The following PDS5B variants were observed in gnomAD, a reference collection of about 807,000 sequenced individuals.
PDS5B encodes the protein sister chromatid cohesion protein PDS5 homolog B.
Under a neutral mutation model 184.1 loss-of-function variants are expected in PDS5B, and 51 were observed. That is an observed-to-expected ratio of 0.28 (90% CI 0.22 to 0.35). The LOEUF (loss-of-function observed/expected upper bound fraction) is 0.35, where lower values mean the gene tolerates loss of function less well. Among genes scored for constraint, PDS5B ranks in the 10% least tolerant of loss-of-function variants. The pLI is 1.00. For synonymous variants in PDS5B, 566 were observed against 569.2 expected (o/e 0.99, Z 0.08); for missense variants, 1,180 against 1,723.3 (o/e 0.68, Z 5.58).
chr13:32,697,478 A>G (rs1027648222), intron 15 of PDS5B, among the ~76,000 whole-genome samples: 11 of 152,212 alleles, frequency 7.2e-5, no homozygotes, highest in Non-Finnish European at 5.9e-5. Context: ...GATAATGAAG[A>G]GATCTTAAGA....
chr13:32,616,530 G>A lies in PDS5B; in HGVS notation c.-20+29937G>A, dbSNP rs115933782. Among the ~76,000 whole-genome samples, 1,145 of 152,276 alleles carry A rather than the reference G, an allele frequency of 7.5e-3. 16 individuals carry two copies. The highest frequency in any genetic ancestry group is 0.027 in the African/African-American group (1,101 of 41,544). On this transcript the variant is annotated intron_variant, in intron 1 of 34. Coordinates refer to ENST00000315596, the MANE Select transcript of PDS5B (RefSeq NM_015032.4). ...ATATAACTTTTCTATTGAAGGACAT[G>A]TAGGTATTTTCAGTATTTTGCTATT...
At chr13:32,665,764 C>T (rs1289169949) in intron 6 of PDS5B, among the ~76,000 whole-genome samples, 1 of 151,938 alleles carries the variant, frequency 6.6e-6, no homozygotes, top group East Asian at 1.9e-4. Flanking sequence ...TGAACTGTGT[C>T]TATCAATGGA....
At chr13:32,635,208 T>C in intron 1 of PDS5B, among the ~76,000 whole-genome samples, 1 of 76,358 alleles carries the variant, frequency 1.3e-5, no homozygotes. Context: ...TTTTTTTTTT[T>C]TTTTTTTGTG....
chr13:32,647,575 C>G (rs1950259125), intron 1 of PDS5B, among the ~76,000 whole-genome samples: 1 of 152,158 alleles, frequency 6.6e-6, no homozygotes, highest in Non-Finnish European at 1.5e-5. Flanking sequence ...GCAATCCCAC[C>G]TGGCCTTTAA....
intron 26 of PDS5B, among the ~76,000 whole-genome samples, chr13:32,756,515 G>A (rs1268988448): frequency 2.6e-5 from 4 of 152,262 alleles, no homozygotes; most frequent in South Asian, 2.1e-4. Context: ...GTACATGCCT[G>A]GGTGGGGAAT....
chr13:32,775,737 C>T lies in PDS5B; in HGVS notation c.*685C>T. On this transcript the variant is annotated 3_prime_UTR_variant, in exon 35 of 35. Transcript: ENST00000315596. ...TTTACACCTCAGTATTGATTTGTCC[C>T]AGAATTTTCTGGCCTTTCATGGCAA... 2 of 423,814 alleles carry T rather than the reference C, an allele frequency of 4.7e-6. No individual in the cohort carries two copies. The highest frequency in any genetic ancestry group is 3.5e-5 in the South Asian group (2 of 57,380). 26.3% of individuals were successfully genotyped at this position (423,814 alleles called of 1,614,324 possible).
chr13:32,741,489 T>G (rs1953550187), intron 22 of PDS5B, among the ~76,000 whole-genome samples: 1 of 150,318 alleles, frequency 6.7e-6, no homozygotes, highest in South Asian at 2.1e-4. Context: ...TTAATAAAAC[T>G]TTTTATTTTT....
chr13:32,614,515 C>G (rs1056774486), intron 1 of PDS5B, among the ~76,000 whole-genome samples: 1 of 152,124 alleles, frequency 6.6e-6, no homozygotes, highest in African/African-American at 2.4e-5. Flanking sequence ...CCAGGCTGGC[C>G]TTGAACTCCT....
intron 6 of PDS5B, among the ~76,000 whole-genome samples, chr13:32,665,167 T>C: frequency 6.6e-6 from 1 of 152,242 alleles, no homozygotes; most frequent in Non-Finnish European, 1.5e-5. Context: ...TAATGAATGG[T>C]TTTAGGACAG....
chr13:32,742,843 A>G, intron 23 of PDS5B, 116 bp downstream of exon 23: 1 of 900,296 alleles, frequency 1.1e-6, no homozygotes, highest in Non-Finnish European at 1.7e-6. Context: ...TGCTTTGTAC[A>G]TGTGCATATA....
chr13:32,600,310 T>G (rs1024449677), intron 1 of PDS5B, among the ~76,000 whole-genome samples: 1 of 152,250 alleles, frequency 6.6e-6, no homozygotes, highest in Non-Finnish European at 1.5e-5. Flanking sequence ...ATACAAAATT[T>G]TTGTTGTAGA....
chr13:32,687,891 G>A (rs1487727506), intron 12 of PDS5B, among the ~76,000 whole-genome samples: 4 of 151,986 alleles, frequency 2.6e-5, no homozygotes, highest in Non-Finnish European at 5.9e-5. Context: ...TAAGAAGCAG[G>A]TCACACTAAA....
At chr13:32,653,854 G>A (rs13379013) in intron 3 of PDS5B, among the ~76,000 whole-genome samples, 3 of 152,150 alleles carry the variant, frequency 2.0e-5, no homozygotes, top group Non-Finnish European at 2.9e-5. Flanking sequence ...TTCTCATGAC[G>A]AGGAAGTCTA....
At position 32,692,414 on chromosome 13, in the gene PDS5B, CCTTTTT is replaced by C. The variant is rs1360151200; in HGVS notation, c.1470-1808_1470-1803del. On this transcript the variant is annotated intron_variant, in intron 13 of 34. Coordinates refer to ENST00000315596, the MANE Select transcript of PDS5B (RefSeq NM_015032.4). Reference sequence around the variant, plus strand: ...ATTAAACAAGTTTGCGTCCAAAAAGCCTTTTTTTTTTTTTTTTTTTTTTTTTTTGAG... The same window carrying C: ...ATTAAACAAGTTTGCGTCCAAAAAGCTTTTTTTTTTTTTTTTTTTTTTGAG... Among the ~76,000 whole-genome samples, 18 of 69,150 alleles carry C rather than the reference CCTTTTT, an allele frequency of 2.6e-4. 2 individuals carry two copies. Among genetic ancestry groups the C allele is most frequent in the East Asian group, 1.7e-3 (3 of 1,798 alleles). 45.4% of individuals were successfully genotyped at this position (69,150 alleles called of 152,430 possible).
chr13:32,731,719 G>A (rs777228228), intron 19 of PDS5B, among the ~76,000 whole-genome samples: 6 of 152,080 alleles, frequency 3.9e-5, no homozygotes, highest in Admixed American at 1.3e-4. Context: ...ATTGGAAGAG[G>A]CAGAGACTTG....
chr13:32,601,289 G>A (rs902299429), intron 1 of PDS5B, among the ~76,000 whole-genome samples: 14 of 152,144 alleles, frequency 9.2e-5, no homozygotes, highest in African/African-American at 3.1e-4. Context: ...ATTCCACCAT[G>A]TCCAGAACTG....
In PDS5B at chr13:32,667,844, T is replaced by C. The variant is rs1013110039; in HGVS notation, c.705T>C (p.Asn235=). 1 of 1,540,562 alleles carries C rather than the reference T, an allele frequency of 6.5e-7. No homozygotes were observed. The highest frequency in any genetic ancestry group is 1.7e-4 in the Middle Eastern group (1 of 5,834). Reference sequence around the variant, plus strand: ...AAGCTATTGAGCCATATATTACCAATGTAAGTCTTACTTGTAATTGGTTGT... The same window carrying C: ...AAGCTATTGAGCCATATATTACCAACGTAAGTCTTACTTGTAATTGGTTGT... ...TAQAIEPYIT[N]FFNQVLMLGK... The change falls in exon 7 of 35, where the codon AAT becomes AAC. Residue 235 remains asparagine, a splice_region_variant and synonymous_variant. Coordinates refer to ENST00000315596, the MANE Select transcript of PDS5B (RefSeq NM_015032.4).
intron 1 of PDS5B, among the ~76,000 whole-genome samples, chr13:32,599,620 C>T (rs1019657203): frequency 6.6e-6 from 1 of 150,586 alleles, no homozygotes; most frequent in South Asian, 2.2e-4. Flanking sequence ...TTAGACCTTA[C>T]TTAAAAAATA....
intron 30 of PDS5B, among the ~76,000 whole-genome samples, chr13:32,760,989 A>G (rs540981799): frequency 2.9e-4 from 44 of 152,172 alleles, no homozygotes; most frequent in Non-Finnish European, 5.3e-4. Flanking sequence ...GTGTGTAGCA[A>G]TTGTAAAACT....
Sources: gnomAD v4.1 joint callset for allele counts (sites outside exome capture counted in the v4.1 genomes callset) on GRCh38, gnomAD v4.1.1 for gene constraint, MANE v1.5 for transcripts, NCBI Gene and HGNC (gene_info 2026-07-23, HGNC 2026-07-21) for gene names.